Variants in MVP observed in about 807,000 individuals in gnomAD.
MVP encodes major vault protein, also known as lung resistance-related protein.
Under a neutral mutation model 83.5 loss-of-function variants are expected in MVP, and 62 were observed. That is an observed-to-expected ratio of 0.74 (90% CI 0.61 to 0.92). MVP has a LOEUF of 0.92. Among genes scored for constraint, MVP ranks in the 40% least tolerant of loss-of-function variants. The pLI is 0.00. For synonymous variants in MVP, 505 were observed against 504.1 expected, an observed-to-expected ratio of 1.00 and a Z score of -0.02; for missense variants, 1,000 against 1,203.4, an observed-to-expected ratio of 0.83 and a Z score of 2.50.
At chr16:29,842,743 C>G (rs374451125) in intron 10 of MVP, among the ~76,000 whole-genome samples, 1 of 152,230 alleles carries the variant, frequency 6.6e-6, no homozygotes, top group East Asian at 1.9e-4. Context: ...AGGCAGGACA[C>G]CTCATTCAGT....
At chr16:29,837,446 A>G (rs1232926570) in intron 7 of MVP, among the ~76,000 whole-genome samples, 2 of 152,206 alleles carry the variant, frequency 1.3e-5, no homozygotes, top group African/African-American at 4.8e-5. Context: ...AGGTAAGGTA[A>G]AAATACAATA....
chr16:29,841,694 G>T lies in MVP; in HGVS notation c.1290G>T (p.Gly430=). 1 of 1,612,252 alleles carries T rather than the reference G, an allele frequency of 6.2e-7. No individual in the cohort carries two copies. Among genetic ancestry groups the T allele is most frequent in the Non-Finnish European group, 8.5e-7 (1 of 1,179,466 alleles). ...PPGVEELLNK[G]QDPLADRGEK... ...GGGTGGAGGAGCTGCTGAACAAGGG[G>T]CAGGACCCTCTGGCAGACAGGGGTG... Residue 430 remains glycine (G), a synonymous_variant, in exon 9 of 15, where the codon GGG becomes GGT. Transcript: ENST00000357402. This position sits in a 1 kb window ranked among gnomAD's most constrained non-coding sequence, Gnocchi z 4.7.
At chr16:29,847,490 G>A (rs1300374297) in intron 14 of MVP, 105 bp downstream of exon 14, 1 of 1,231,494 alleles carries the variant, frequency 8.1e-7, no homozygotes, top group Non-Finnish European at 1.1e-6. Flanking sequence ...GGGAAGGGAG[G>A]GGTGAGTGAC....
intron 5 of MVP, chr16:29,834,279 C>T (rs1006123265): frequency 1.2e-5 from 7 of 590,714 alleles, no homozygotes; most frequent in East Asian, 6.9e-5. Flanking sequence ...CATGACCATG[C>T]GGATGTGGCT....
In MVP at chr16:29,841,126, C is replaced by T. The variant is rs558097692; in HGVS notation, c.1192-470C>T. Among the ~76,000 whole-genome samples, 132 of 152,116 alleles carry T rather than the reference C, an allele frequency of 8.7e-4. 1 individual carries two copies. The highest frequency in any genetic ancestry group is 3.1e-3 in the African/African-American group (128 of 41,496). Reference sequence around the variant, plus strand: ...TTTCTGCTTCACCTAAAACCTTGACCTTGATTTGACCTCGGGCCACATCTC... The same window carrying T: ...TTTCTGCTTCACCTAAAACCTTGACTTTGATTTGACCTCGGGCCACATCTC... On this transcript the variant is annotated intron_variant, in intron 8 of 14. Transcript: ENST00000357402. The surrounding 1 kb of genome is among the most constrained non-coding windows in gnomAD (Gnocchi z 4.7).
intron 3 of MVP, chr16:29,831,553 C>T (rs2067442434): frequency 4.4e-6 from 2 of 454,294 alleles, no homozygotes; most frequent in Non-Finnish European, 8.9e-6. Flanking sequence ...CACTGTACCT[C>T]CACTCACCTC....
At chr16:29,847,632 C>T in intron 14 of MVP, 130 bp from the exon 15 acceptor site, 1 of 1,038,966 alleles carries the variant, frequency 9.6e-7, no homozygotes, top group Non-Finnish European at 1.5e-6. Context: ...ACAGGCATTT[C>T]CAAGGCAGTC....
Position 29,845,917 on chromosome 16 carries a change from G to A in MVP, c.2076G>A (p.Lys692=). Residue 692 remains lysine (K), a synonymous_variant, in exon 12 of 15, where the codon AAG becomes AAA. Transcript: ENST00000357402. ...CCCGCGGCCGGCTTGAGCGGCAGAA[G>A]ATCCTGGACCAGTCAGAAGCCGAGA... is the stretch of plus-strand genomic sequence containing the variant. ...QEARGRLERQ[K]ILDQSEAEKA... is the part of the protein sequence containing the mutation. 6.2e-7 allele frequency: 1 copy of A among 1,614,210 alleles called. No homozygotes were observed. Among genetic ancestry groups the A allele is most frequent in the Non-Finnish European group, 8.5e-7 (1 of 1,180,036 alleles).
At chr16:29,842,322 T>G (rs959902495) in intron 10 of MVP, among the ~76,000 whole-genome samples, 1 of 152,134 alleles carries the variant, frequency 6.6e-6, no homozygotes, top group Non-Finnish European at 1.5e-5. Context: ...TGGTTTTTTT[T>G]GAGACCGAGT....
At chr16:29,826,498 G>T (rs543908393) in intron 1 of MVP, among the ~76,000 whole-genome samples, 43 of 151,884 alleles carry the variant, frequency 2.8e-4, no homozygotes, top group African/African-American at 9.7e-4. Context: ...GTGGCAGTAC[G>T]TATCTACAGT....
chr16:29,829,282 C>T (rs1385607019), intron 1 of MVP, among the ~76,000 whole-genome samples: 2 of 150,322 alleles, frequency 1.3e-5, no homozygotes, highest in Admixed American at 6.6e-5. Flanking sequence ...GCCAGGAATT[C>T]GAGACCAGCC....
chr16:29,836,475 G>T (rs367559180), intron 6 of MVP, among the ~76,000 whole-genome samples: 3 of 151,844 alleles, frequency 2.0e-5, no homozygotes, highest in African/African-American at 7.3e-5. Flanking sequence ...TACTCAGGAG[G>T]CTGAGGCAGG....
intron 5 of MVP, chr16:29,834,841 A>G (rs1371733513): frequency 2.2e-5 from 3 of 136,688 alleles, no homozygotes; most frequent in African/African-American, 8.3e-5. Flanking sequence ...GCCCACCACC[A>G]TGCCCAGCTA....
rs914860554 is a variant in MVP at position 29,831,019 on chromosome 16, G to T, written c.267G>T (p.Glu89Asp). 8.7e-6 allele frequency: 14 copies of T among 1,613,730 alleles called. No homozygotes were observed. The African/African-American group carries it at 1.6e-4, about 18-fold the overall frequency. Residue 89 changes from glutamate to aspartate, a missense_variant, in exon 3 of 15, where the codon GAG becomes GAT. Physicochemically the swap from Glu to Asp is conservative, Grantham distance 45. Transcript: ENST00000357402. ...TTCGGCTTCGCCACGCTGACCTCGA[G>T]ATCCGGCTGGCCCAGGACCCCTTCC... ...GQVRLRHADL[E>D]IRLAQDPFPL... is the part of the protein sequence containing the mutation.
intron 8 of MVP, 87 bp downstream of exon 8, chr16:29,840,546 G>A: frequency 6.9e-7 from 1 of 1,450,448 alleles, no homozygotes. Context: ...AGGTGGGCAG[G>A]GACTTCAGCA....
intron 7 of MVP, among the ~76,000 whole-genome samples, chr16:29,839,783 C>CAAAA (rs71373206): frequency 0.015 from 714 of 47,310 alleles, 65 homozygotes; most frequent in African/African-American, 0.059. Flanking sequence ...AAGACTATCT[C>CAAAA]AAAAAAAAAA....
chr16:29,833,524 G>GTTCTTGAA, intron 3 of MVP: 1 of 430,068 alleles, frequency 2.3e-6, no homozygotes, highest in Non-Finnish European at 4.1e-6. Flanking sequence ...GCCCAGGCTG[G>GTTCTTGAA]TTCTTGAATG....
rs148190767 is a variant in MVP, at chr16:29,830,909, G to A, written c.157G>A (p.Val53Ile). The change falls in exon 3 of 15, where the codon GTC (valine) becomes ATC (isoleucine). Residue 53 changes from valine to isoleucine, a missense_variant. By Grantham distance (29) the Val-to-Ile change is conservative. Coordinates refer to ENST00000357402, the MANE Select transcript of MVP (RefSeq NM_005115.5). ...GTTTGCCCCCATGCGCATGGTGACC[G>A]TCCCCCCACGTCACTACTGCACAGT... ...VLFAPMRMVT[V>I]PPRHYCTVAN... 388 of 1,613,092 alleles carry A rather than the reference G, an allele frequency of 2.4e-4. No homozygotes were observed. The African/African-American group carries it at 3.9e-3, about 16-fold the overall frequency.
chr16:29,831,173 T>C, intron 3 of MVP, 100 bp downstream of exon 3: 1 of 1,176,998 alleles, frequency 8.5e-7, no homozygotes, highest in Non-Finnish European at 1.2e-6. Flanking sequence ...TTTTCTTTTT[T>C]GAGGCAGAGT....
Sources: allele counts gnomAD v4.1 joint callset (sites outside exome capture counted in the v4.1 genomes callset), GRCh38; gene constraint gnomAD v4.1.1; non-coding constraint Gnocchi (gnomAD v3.1); transcripts MANE v1.5; gene names NCBI Gene and HGNC (gene_info 2026-07-23, HGNC 2026-07-21).